DLG5: variants seen among roughly 807,000 people sequenced by gnomAD.
The protein encoded by DLG5 is disks large homolog 5.
Under a neutral mutation model 189.8 loss-of-function variants are expected in DLG5, and 48 were observed. The ratio of observed to expected loss-of-function variants is 0.25; its 90% CI spans 0.20 to 0.32. The LOEUF is 0.32. DLG5 is among the 10% of genes least tolerant of loss of function. The probability of loss-of-function intolerance (pLI) is 1.00; values close to 1 mark genes in which losing one functional copy is unlikely to be tolerated. For missense variants in DLG5, 2,160 were observed against 2,544.7 expected (o/e 0.85, Z 3.25); for synonymous variants, 1,016 against 1,054.1 (o/e 0.96, Z 0.70).
chr10:77,891,819 C>A (rs927853909), intron 1 of DLG5, among the ~76,000 whole-genome samples: 1 of 152,186 alleles, frequency 6.6e-6, no homozygotes, highest in Non-Finnish European at 1.5e-5. Flanking sequence ...ATTCTGCATG[C>A]GGGAACACTG....
chr10:77,818,779 G>A (rs533688453), intron 17 of DLG5, among the ~76,000 whole-genome samples: 19 of 79,820 alleles, frequency 2.4e-4, no homozygotes, highest in East Asian at 3.9e-4. Context: ...ATATCACTTC[G>A]TTCATTTTTT....
chr10:77,821,426 C>T lies in DLG5; in HGVS notation c.3058G>A (p.Asp1020Asn), dbSNP rs766903408. Residue 1020 changes from aspartate (D) to asparagine (N), a missense_variant, in exon 15 of 32, where the codon GAC becomes AAC. Around this residue, in one of 5 missense-constraint regions of DLG5, gnomAD observed 754 missense variants for 746.5 expected, o/e 1.01. Coordinates refer to ENST00000372391, the MANE Select transcript of DLG5 (RefSeq NM_004747.4). ...AGCCTGTGCTGGAACTTAATGGAGT[C>T]GCTCCTTCTGGGAGGTTTTGGGGGT... ...LTPPKPPRRSDSIKFQHRLET... is the reference protein window; with the variant it reads ...LTPPKPPRRSNSIKFQHRLET... 40 of 1,612,576 alleles carry T rather than the reference C, an allele frequency of 2.5e-5. No individual in the cohort carries two copies. Among genetic ancestry groups the T allele is most frequent in the East Asian group, 1.1e-4 (5 of 44,868 alleles).
chr10:77,864,892 C>T (rs368770791), intron 2 of DLG5, among the ~76,000 whole-genome samples: 2 of 152,178 alleles, frequency 1.3e-5, no homozygotes, highest in African/African-American at 4.8e-5. Flanking sequence ...AAGCCCAGGC[C>T]CCAGATCTCC....
rs57345560 is a variant in DLG5, at chr10:77,871,376, A to T, written c.305-2179T>A. On this transcript the variant is annotated intron_variant, in intron 1 of 31. Transcript: ENST00000372391. Reference sequence around the variant, plus strand: ...AAGTCTGTGCATCTGAAGGGAGATGAAACCAGAAAACCCAGTTCAGCCTTA... The same window carrying T: ...AAGTCTGTGCATCTGAAGGGAGATGTAACCAGAAAACCCAGTTCAGCCTTA... 8.9e-3 allele frequency among the ~76,000 whole-genome samples: 1,354 copies of T among 152,172 alleles called. 19 individuals carry two copies. Among genetic ancestry groups the T allele is most frequent in the African/African-American group, 0.031 (1,268 of 41,500 alleles).
chr10:77,849,492 T>G (rs1197149487), intron 5 of DLG5, among the ~76,000 whole-genome samples: 1 of 152,262 alleles, frequency 6.6e-6, no homozygotes, highest in Non-Finnish European at 1.5e-5. Context: ...CCAGCAGCTC[T>G]GAGATGCTCC....
intron 3 of DLG5, 90 bp downstream of exon 3, chr10:77,856,640 G>C: frequency 6.6e-7 from 1 of 1,511,172 alleles, no homozygotes; most frequent in Non-Finnish European, 9.0e-7. Flanking sequence ...GGACCCCCAG[G>C]AGCCAGGGGT....
intron 5 of DLG5, 89 bp downstream of exon 5, chr10:77,853,265 G>T: frequency 8.0e-7 from 1 of 1,251,950 alleles, no homozygotes; most frequent in Non-Finnish European, 1.0e-6. Flanking sequence ...AACGTGCCCG[G>T]CCCAGCATTT....
chr10:77,846,722 T>G (rs1008107177), intron 5 of DLG5: 9 of 456,074 alleles, frequency 2.0e-5, no homozygotes, highest in Non-Finnish European at 4.0e-5. Context: ...CTCAAATGTT[T>G]TACTGTCTAA....
intron 1 of DLG5, among the ~76,000 whole-genome samples, chr10:77,913,550 A>G (rs1846281497): frequency 6.6e-6 from 1 of 152,086 alleles, no homozygotes; most frequent in Admixed American, 6.6e-5. Flanking sequence ...TGATTGTTAC[A>G]TTATCCTCTC....
chr10:77,920,996 T>C (rs1292980346), intron 1 of DLG5, among the ~76,000 whole-genome samples: 2 of 152,176 alleles, frequency 1.3e-5, no homozygotes, highest in Non-Finnish European at 2.9e-5. Flanking sequence ...AAAAACCTCT[T>C]CTCAACCATT....
In DLG5 at chr10:77,807,046, T is replaced by C. The variant is rs1376476107; in HGVS notation, c.4797-118A>G. 4.9e-5 allele frequency: 57 copies of C among 1,156,374 alleles called. No homozygotes were observed. In the East Asian group the frequency reaches 1.4e-3, roughly 28 times the overall value. The allele number at this position is 1,156,374 out of a possible 1,614,324, so 71.6% of individuals were successfully genotyped here. On this transcript the variant is annotated intron_variant, in intron 25 of 31. Coordinates refer to ENST00000372391, the MANE Select transcript of DLG5 (RefSeq NM_004747.4). Reference sequence around the variant, plus strand: ...TTCTGCTTTGGGCTGTCTCCAAACTTGATCAGGAATCGCCGAGGGTGGTGA... The same window carrying C: ...TTCTGCTTTGGGCTGTCTCCAAACTCGATCAGGAATCGCCGAGGGTGGTGA...
intron 1 of DLG5, among the ~76,000 whole-genome samples, chr10:77,895,111 C>A (rs896691342): frequency 6.6e-6 from 1 of 152,230 alleles, no homozygotes; most frequent in African/African-American, 2.4e-5. Context: ...CATCAGGGCT[C>A]ACTCTGCAGC....
At chr10:77,808,090 C>A in intron 24 of DLG5, 146 bp from the exon 25 acceptor site, 1 of 1,006,142 alleles carries the variant, frequency 9.9e-7, no homozygotes, top group South Asian at 1.7e-5. Context: ...GCAGGAAGGA[C>A]TGAGTCTTCA....
intron 1 of DLG5, among the ~76,000 whole-genome samples, chr10:77,884,476 A>T (rs1448143339): frequency 6.6e-6 from 1 of 152,056 alleles, no homozygotes; most frequent in African/African-American, 2.4e-5. Context: ...AAGTCGGGCA[A>T]GAGTATCTCA....
chr10:77,855,615 G>T (rs1190110511), intron 3 of DLG5, among the ~76,000 whole-genome samples: 1 of 152,198 alleles, frequency 6.6e-6, no homozygotes, highest in African/African-American at 2.4e-5. Context: ...TGGGCCCGTG[G>T]GCCATAGTGT....
chr10:77,909,202 C>T (rs181034793), intron 1 of DLG5, among the ~76,000 whole-genome samples: 5 of 152,250 alleles, frequency 3.3e-5, no homozygotes, highest in Admixed American at 2.6e-4. Context: ...AAGGAGAAGA[C>T]ACTGTGACCA....
At chr10:77,857,877 C>T (rs982023411) in intron 2 of DLG5, among the ~76,000 whole-genome samples, 3 of 152,230 alleles carry the variant, frequency 2.0e-5, no homozygotes, top group African/African-American at 7.2e-5. Context: ...TCAGGGGACA[C>T]AGTGTCTGTT....
upstream of DLG5, among the ~76,000 whole-genome samples, chr10:77,930,291 G>T (rs950094304): frequency 2.6e-5 from 4 of 151,842 alleles, no homozygotes; most frequent in Admixed American, 2.6e-4. Flanking sequence ...CGCTTGGTTG[G>T]TGCTTTACAA....
At chr10:77,859,099 C>A (rs1844372068) in intron 2 of DLG5, among the ~76,000 whole-genome samples, 3 of 152,178 alleles carry the variant, frequency 2.0e-5, no homozygotes, top group Admixed American at 2.0e-4. Flanking sequence ...TGGTCTCAAA[C>A]TTCTGAGCTC....
Sources: allele counts gnomAD v4.1 joint callset (sites outside exome capture counted in the v4.1 genomes callset), GRCh38; gene constraint gnomAD v4.1.1; regional missense constraint gnomAD v4.1.1; transcripts MANE v1.5; gene names NCBI Gene and HGNC (gene_info 2026-07-23, HGNC 2026-07-21).